KMT2A: variants seen among roughly 807,000 people sequenced by gnomAD.
KMT2A encodes lysine methyltransferase 2A.
KMT2A carries 16 observed loss-of-function variants against 345.3 expected under a neutral mutation model. That is an observed-to-expected ratio of 0.05 (90% CI 0.03 to 0.07). KMT2A has a LOEUF of 0.07. Among genes scored for constraint, KMT2A ranks in the 10% least tolerant of loss-of-function variants. KMT2A has a pLI of 1.00. For synonymous variants in KMT2A, 1,599 were observed against 1,778.6 expected, an observed-to-expected ratio of 0.90 and a Z score of 2.54; for missense variants, 3,272 against 4,841.6, an observed-to-expected ratio of 0.68 and a Z score of 9.62.
rs9332834 is a variant in KMT2A, at chr11:118,501,071, C to T, written c.6243C>T (p.Val2081=). Residue 2081 remains valine, a synonymous_variant, in exon 25 of 36, where the codon GTC becomes GTT. Transcript: ENST00000534358. ...TCKIVECRPP[V]VEPDINSTVE... is the part of the protein sequence containing the mutation. ...AGATAGTGGAGTGCCGTCCTCCAGTCGTAGAGCCGGATATCAACAGCACTG... is the reference window on the plus strand; with the variant it reads ...AGATAGTGGAGTGCCGTCCTCCAGTTGTAGAGCCGGATATCAACAGCACTG... The T allele has an allele frequency of 8.5e-4, 1,379 of 1,614,086 alleles. 12 individuals are homozygous for T. In the African/African-American group the frequency reaches 0.017, roughly 19 times the overall value.
At chr11:118,463,097 CAG>C (rs1422088922) in intron 1 of KMT2A, among the ~76,000 whole-genome samples, 13 of 151,708 alleles carry the variant, frequency 8.6e-5, no homozygotes, top group Admixed American at 7.2e-4. Context: ...ATGAACCTAA[CAG>C]TGTGTATCTC....
rs199620348 is a variant in KMT2A, at chr11:118,476,842, G to T, written c.3194G>T (p.Gly1065Val). 6.2e-7 allele frequency: 1 copy of T among 1,613,634 alleles called. No homozygotes were observed. The highest frequency in any genetic ancestry group is 2.2e-5 in the East Asian group (1 of 44,872). ...ESDSSETSVR[G>V]PRIKHVCRRA... ...GACTCATCAGAGACCTCTGTGCGAG[G>T]ACCCCGGATTAAACATGTCTGCAGA... The change falls in exon 4 of 36, where the codon GGA becomes GTA. Residue 1065 changes from glycine (G) to valine (V), a missense_variant. Transcript: ENST00000534358. The surrounding 1 kb of genome is among the most constrained non-coding windows in gnomAD (Gnocchi z 4.1).
Position 118,472,760 on chromosome 11 carries a change from C to T in KMT2A, c.1601C>T (p.Ser534Leu), listed in dbSNP as rs892567457. Residue 534 changes from serine to leucine, a missense_variant, in exon 3 of 36, where the codon TCG (serine) becomes TTG (leucine). Coordinates refer to ENST00000534358, the MANE Select transcript of KMT2A (RefSeq NM_001197104.2). Reference sequence around the variant, plus strand: ...AGGAGAAGCAGAAGGTATTCAGTGTCGGAGAGAAGTTTTGGATCTAGAACG... The same window carrying T: ...AGGAGAAGCAGAAGGTATTCAGTGTTGGAGAGAAGTTTTGGATCTAGAACG... ...NDRRSRRYSV[S>L]ERSFGSRTTK... 6.2e-7 allele frequency: 1 copy of T among 1,613,626 alleles called. No individual in the cohort carries two copies. Among genetic ancestry groups the T allele is most frequent in the Non-Finnish European group, 8.5e-7 (1 of 1,179,928 alleles).
rs1555043936 is a variant in KMT2A, at chr11:118,496,310, C to A, written c.5607C>A (p.Gly1869=). ...EDSPELNPPP[G]IEDNRQCALC... ...GTCCAGAGCTGAACCCACCCCCAGG[C>A]ATAGAAGACAATAGACAGTGTGCGT... The change falls in exon 20 of 36, where the codon GGC becomes GGA. Residue 1869 remains glycine, a synonymous_variant. Transcript: ENST00000534358. The surrounding 1 kb of genome is among the most constrained non-coding windows in gnomAD (Gnocchi z 4.7). The A allele has an allele frequency of 1.9e-6, 3 of 1,613,882 alleles. No individual in the cohort carries two copies. Among genetic ancestry groups the A allele is most frequent in the East Asian group, 4.5e-5 (2 of 44,866 alleles).
intron 2 of KMT2A, 90 bp from the exon 3 acceptor site, chr11:118,471,572 A>C (rs1555035469): frequency 2.6e-6 from 2 of 763,956 alleles, no homozygotes; most frequent in Middle Eastern, 2.5e-4. Context: ...CTCAGTACAA[A>C]ATGGCCAGTG....
rs1950514574 is a variant in KMT2A, at chr11:118,502,416, C to T, written c.6524C>T (p.Thr2175Ile). The T allele has an allele frequency of 6.2e-7, 1 of 1,603,580 alleles. No homozygotes were observed. Among genetic ancestry groups the T allele is most frequent in the African/African-American group, 1.3e-5 (1 of 74,550 alleles). Residue 2175 changes from threonine to isoleucine, a missense_variant, in exon 27 of 36, where the codon ACT (threonine) becomes ATT (isoleucine). Physicochemically the swap from Thr to Ile is moderately conservative, Grantham distance 89. Coordinates refer to ENST00000534358, the MANE Select transcript of KMT2A (RefSeq NM_001197104.2). The surrounding 1 kb of genome is among the most constrained non-coding windows in gnomAD (Gnocchi z 4.9). ...TGTTTAGGAAGTCCTACCCCAACCA[C>T]TCATGAAATAGTCACAGTAGGTGAT... ...LPSAGSPTPT[T>I]HEIVTVGDPL...
At position 118,496,357 on chromosome 11, in the gene KMT2A, A is replaced by T. The variant is rs1555043951; in HGVS notation, c.5654A>T (p.Asp1885Val). ...QCALCLTYGD[D>V]SANDAGRLLY... is the part of the protein sequence containing the mutation. Reference sequence around the variant, plus strand: ...GCGTTATGTTTGACTTATGGTGATGACAGTGCTAATGTAAGTACTTTGCAA... The same window carrying T: ...GCGTTATGTTTGACTTATGGTGATGTCAGTGCTAATGTAAGTACTTTGCAA... The change falls in exon 20 of 36, where the codon GAC (aspartate) becomes GTC (valine). Residue 1885 changes from aspartate (D) to valine (V), a missense_variant. Physicochemically the swap from Asp to Val is radical, Grantham distance 152 (BLOSUM62 -3). Around this residue, in one of 27 missense-constraint regions of KMT2A, gnomAD observed 235 missense variants for 503.4 expected, o/e 0.47. Coordinates refer to ENST00000534358, the MANE Select transcript of KMT2A (RefSeq NM_001197104.2). The surrounding 1 kb of genome is among the most constrained non-coding windows in gnomAD (Gnocchi z 4.7). The T allele has an allele frequency of 6.2e-7, 1 of 1,612,262 alleles. No homozygotes were observed. The highest frequency in any genetic ancestry group is 8.5e-7 in the Non-Finnish European group (1 of 1,178,458).
At position 118,491,376 on chromosome 11, in the gene KMT2A, T is replaced by C; in HGVS notation, c.4819+58T>C. On this transcript the variant is annotated intron_variant, in intron 14 of 35. Transcript: ENST00000534358. This position sits in a 1 kb window ranked among gnomAD's most constrained non-coding sequence, Gnocchi z 4.2. The stretch of plus-strand genomic sequence containing the variant: ...CTAGGTACTACTACATTTATTAGCC[T>C]CTAGAGCACTTTAAACCTAAAATTA... 1.3e-6 allele frequency: 2 copies of C among 1,525,466 alleles called. No homozygotes were observed. The allele number at this position is 1,525,466 out of a possible 1,614,324, so 94.5% of individuals were successfully genotyped here. A position where few individuals can be genotyped will look rare whatever the true frequency, so the allele number is the denominator to read the frequency against.
At position 118,476,777 on chromosome 11, in the gene KMT2A, T is replaced by C; in HGVS notation, c.3157-28T>C. 6.3e-7 allele frequency: 1 copy of C among 1,582,656 alleles called. No individual in the cohort carries two copies. Among genetic ancestry groups the C allele is most frequent in the African/African-American group, 1.3e-5 (1 of 74,076 alleles). On this transcript the variant is annotated intron_variant, in intron 3 of 35. Coordinates refer to ENST00000534358, the MANE Select transcript of KMT2A (RefSeq NM_001197104.2). The surrounding 1 kb of genome is among the most constrained non-coding windows in gnomAD (Gnocchi z 4.1). ...TTATAATTTCAACATGTATGGTTGT[T>C]ATTGTTTTTGGATTGCCTCATATTC...
chr11:118,493,251 A>G lies in KMT2A; in HGVS notation c.5178+21A>G. 1 of 1,602,050 alleles carries G rather than the reference A, an allele frequency of 6.2e-7. No individual in the cohort carries two copies. ...CTGTGGTATGTTTCTACAGTGAGCC[A>G]TCAGAATTTCTAGTGCCAATAAAGC... On this transcript the variant is annotated intron_variant, in intron 16 of 35. Transcript: ENST00000534358. The surrounding 1 kb of genome is among the most constrained non-coding windows in gnomAD (Gnocchi z 5.8).
At chr11:118,455,597 C>T (rs1555030534) in intron 1 of KMT2A, among the ~76,000 whole-genome samples, 2 of 152,104 alleles carry the variant, frequency 1.3e-5, no homozygotes, top group African/African-American at 2.4e-5. Context: ...CCCTTTTCAG[C>T]CTAATCAGTT....
Position 118,503,681 on chromosome 11 carries a change from C to A in KMT2A, c.7789C>A (p.Gln2597Lys). 1 of 1,614,200 alleles carries A rather than the reference C, an allele frequency of 6.2e-7. No individual in the cohort carries two copies. The highest frequency in any genetic ancestry group is 8.5e-7 in the Non-Finnish European group (1 of 1,180,020). ...TAACAACTATCAGAATCTTCCAGTA[C>A]AGGACAGAAACCTAATGCTTCCAGA... ...QSNNYQNLPVQDRNLMLPDGP... is the reference protein window; with the variant it reads ...QSNNYQNLPVKDRNLMLPDGP... The change falls in exon 27 of 36, where the codon CAG becomes AAG. Residue 2597 changes from glutamine (Q) to lysine (K), a missense_variant. Around this residue, in one of 27 missense-constraint regions of KMT2A, gnomAD observed 445 missense variants for 500.9 expected, o/e 0.89. Transcript: ENST00000534358. The surrounding 1 kb of genome is among the most constrained non-coding windows in gnomAD (Gnocchi z 5.3).
intron 5 of KMT2A, among the ~76,000 whole-genome samples, chr11:118,478,829 C>T (rs528044061): frequency 6.6e-6 from 1 of 152,184 alleles, no homozygotes; most frequent in East Asian, 1.9e-4. Context: ...GATCATAGCT[C>T]ACTGCCAACA....
At chr11:118,457,277 T>TC (rs1690897721) in intron 1 of KMT2A, among the ~76,000 whole-genome samples, 1 of 141,194 alleles carries the variant, frequency 7.1e-6, no homozygotes, top group Non-Finnish European at 1.5e-5. Flanking sequence ...TTTTTTTTTT[T>TC]TTTTTTTTGA....
intron 5 of KMT2A, among the ~76,000 whole-genome samples, chr11:118,479,890 C>T (rs1200977638): frequency 6.6e-6 from 1 of 152,098 alleles, no homozygotes; most frequent in Non-Finnish European, 1.5e-5. Flanking sequence ...ACTGACTGAT[C>T]ATTTTCTGTG....
At position 118,474,405 on chromosome 11, in the gene KMT2A, A is replaced by G. The variant is rs1949997152; in HGVS notation, c.3156+90A>G. 6 of 1,452,438 alleles carry G rather than the reference A, an allele frequency of 4.1e-6. No individual in the cohort carries two copies. In the South Asian group the frequency reaches 8.4e-5, roughly 20 times the overall value. 90.0% of individuals were successfully genotyped at this position (1,452,438 alleles called of 1,614,324 possible). On this transcript the variant is annotated intron_variant, in intron 3 of 35. Transcript: ENST00000534358. Reference sequence around the variant, plus strand: ...TAGGCTAAGTGGTTCAATTACATCCAGTTATGAGAACCAAGAAAAGTATGG... The same window carrying G: ...TAGGCTAAGTGGTTCAATTACATCCGGTTATGAGAACCAAGAAAAGTATGG...
chr11:118,491,081 G>A lies in KMT2A; in HGVS notation c.4697-115G>A, dbSNP rs1950317384. 4.8e-6 allele frequency: 5 copies of A among 1,042,286 alleles called. No individual in the cohort carries two copies. The Admixed American group carries it at 1.2e-4, about 26-fold the overall frequency. 64.6% of individuals were successfully genotyped at this position (1,042,286 alleles called of 1,614,324 possible). A position where few individuals can be genotyped will look rare whatever the true frequency, so the allele number is the denominator to read the frequency against. On this transcript the variant is annotated intron_variant, in intron 13 of 35. Transcript: ENST00000534358. The surrounding 1 kb of genome is among the most constrained non-coding windows in gnomAD (Gnocchi z 4.2). Reference sequence around the variant, plus strand: ...CATTCCACAGTAGATCCATGCTGGTGTTCATGATCCCAGAAGAATATAGAT... The same window carrying A: ...CATTCCACAGTAGATCCATGCTGGTATTCATGATCCCAGAAGAATATAGAT...
In KMT2A at chr11:118,484,291, C is replaced by T. The variant is rs1206032108; in HGVS notation, c.4195C>T (p.His1399Tyr). The change falls in exon 9 of 36, where the codon CAC becomes TAC. Residue 1399 changes from histidine (H) to tyrosine (Y), a missense_variant. This residue lies in a region of KMT2A where 168 missense variants were observed against 216.0 expected (regional missense o/e 0.78). Coordinates refer to ENST00000534358, the MANE Select transcript of KMT2A (RefSeq NM_001197104.2). This position sits in a 1 kb window ranked among gnomAD's most constrained non-coding sequence, Gnocchi z 4.1. ...SKQKIPADGV[H>Y]RIRVDFKEDC... is the part of the protein sequence containing the mutation. ...GCAAAAAATTCCAGCAGATGGAGTC[C>T]ACAGGATCAGAGTGGACTTTAAGGT... 5.0e-6 allele frequency: 8 copies of T among 1,613,910 alleles called. No individual in the cohort carries two copies. In the African/African-American group the frequency reaches 5.3e-5, roughly 11 times the overall value.
intron 11 of KMT2A, 60 bp from the exon 12 acceptor site, chr11:118,489,732 A>C: frequency 7.3e-7 from 1 of 1,373,182 alleles, no homozygotes; most frequent in Non-Finnish European, 1.0e-6. Flanking sequence ...GGTACTAAGT[A>C]ATAGGTGTTG....
Sources: gnomAD v4.1 joint callset for allele counts (sites outside exome capture counted in the v4.1 genomes callset) on GRCh38, gnomAD v4.1.1 for gene constraint, gnomAD v4.1.1 regional missense constraint, Gnocchi (gnomAD v3.1) non-coding constraint, MANE v1.5 for transcripts, NCBI Gene and HGNC (gene_info 2026-07-23, HGNC 2026-07-21) for gene names.